ULK4: variants seen among roughly 807,000 people sequenced by gnomAD.
ULK4 encodes unc-51 like kinase 4.
In ULK4, 133 loss-of-function variants were observed where a neutral mutation model predicts 160.6. The observed-to-expected ratio is 0.83, with a 90% CI of 0.72 to 0.96. ULK4 has a LOEUF of 0.96. ULK4 is among the 40% of genes least tolerant of loss of function. The pLI is 0.00. For missense variants in ULK4, 1,580 were observed against 1,499.5 expected (o/e 1.05, Z -0.89); for synonymous variants, 534 against 539.8 (o/e 0.99, Z 0.15).
intron 34 of ULK4, among the ~76,000 whole-genome samples, chr3:41,411,420 CTTTT>C (rs556696303): frequency 3.5e-5 from 5 of 143,038 alleles, no homozygotes; most frequent in Non-Finnish European, 7.6e-5. Flanking sequence ...ACATTCCTTT[CTTTT>C]TTTTTTTTTT....
rs571560213 is a variant in ULK4 at position 41,673,695 on chromosome 3, T to C, written c.2978+7813A>G. On this transcript the variant is annotated intron_variant, in intron 29 of 36. Transcript: ENST00000301831. ...CTAAATATATATATATATACATACA[T>C]ACATATATATATAACTAAAATATAT... Among the ~76,000 whole-genome samples the C allele has an allele frequency of 8.9e-5, 13 of 146,882 alleles. No individual in the cohort carries two copies. In the South Asian group the frequency reaches 2.5e-3, roughly 29 times the overall value.
chr3:41,571,516 CTT>C (rs1409185686), intron 31 of ULK4, among the ~76,000 whole-genome samples: 1 of 152,110 alleles, frequency 6.6e-6, no homozygotes, highest in African/African-American at 2.4e-5. Flanking sequence ...ACATTTGCCT[CTT>C]TAAGTCAGAG....
intron 17 of ULK4, among the ~76,000 whole-genome samples, chr3:41,852,503 C>T (rs2042240858): frequency 6.6e-6 from 1 of 151,882 alleles, no homozygotes; most frequent in African/African-American, 2.4e-5. Flanking sequence ...CTGAAAGGAA[C>T]AAAAAATGCT....
chr3:41,912,899 T>C lies in ULK4; in HGVS notation c.804A>G (p.Arg268=). The C allele has an allele frequency of 6.2e-7, 1 of 1,613,784 alleles. No individual in the cohort carries two copies. The highest frequency in any genetic ancestry group is 1.3e-5 in the African/African-American group (1 of 75,042). The change falls in exon 9 of 37, where the codon AGA becomes AGG. Residue 268 remains arginine (R), a splice_region_variant and synonymous_variant. Transcript: ENST00000301831. ...GCTGCAGTAGCCTTGTCCAAGTCAA[T>C]CTTTAAAAAACATAAATGTTAAAAC... ...DGLLQRDPQK[R]LTWTRLLQHS...
At chr3:41,667,544 G>C (rs927137734) in intron 29 of ULK4, among the ~76,000 whole-genome samples, 1 of 152,154 alleles carries the variant, frequency 6.6e-6, no homozygotes, top group Admixed American at 6.6e-5. Flanking sequence ...AATATATAGT[G>C]ATGAGCCCTG....
At position 41,558,139 on chromosome 3, in the gene ULK4, G is replaced by A. The variant is rs1575410352; in HGVS notation, c.3226+7886C>T. On this transcript the variant is annotated intron_variant, in intron 32 of 36. Coordinates refer to ENST00000301831, the MANE Select transcript of ULK4 (RefSeq NM_017886.4). Reference sequence around the variant, plus strand: ...TTCTCCTATACATATTCCTGCTCCTGTGTGAAAGGATACATGTATAAAACT... The same window carrying A: ...TTCTCCTATACATATTCCTGCTCCTATGTGAAAGGATACATGTATAAAACT... Among the ~76,000 whole-genome samples, 3 of 152,210 alleles carry A rather than the reference G, an allele frequency of 2.0e-5. No homozygotes were observed. In the South Asian group the frequency reaches 6.2e-4, roughly 32 times the overall value.
At chr3:41,338,256 T>C (rs2080608448) in intron 35 of ULK4, among the ~76,000 whole-genome samples, 1 of 152,164 alleles carries the variant, frequency 6.6e-6, no homozygotes, top group Admixed American at 6.5e-5. Context: ...GAAACAGGCA[T>C]GAGGAGGCTG....
chr3:41,398,025 A>T, intron 35 of ULK4, 54 bp downstream of exon 35: 2 of 1,561,738 alleles, frequency 1.3e-6, no homozygotes, highest in Non-Finnish European at 1.7e-6. Context: ...CTCACTGTCC[A>T]TGTCGCTGCC....
intron 34 of ULK4, among the ~76,000 whole-genome samples, chr3:41,418,342 C>A (rs916437541): frequency 1.1e-5 from 1 of 87,946 alleles, no homozygotes; most frequent in Non-Finnish European, 2.3e-5. Flanking sequence ...CTTAATTTGG[C>A]GGGGGGGGGG....
chr3:41,318,147 AT>A (rs11294081), intron 35 of ULK4, among the ~76,000 whole-genome samples: 22,589 of 151,872 alleles, frequency 0.15, 1,937 homozygotes, highest in African/African-American at 0.23. Context: ...TTAAAAAAAA[AT>A]AAGATAGAAA....
rs1297096442 is a variant in ULK4 at position 41,772,318 on chromosome 3, G to C, written c.2193+17343C>G. 1.4e-3 allele frequency among the ~76,000 whole-genome samples: 215 copies of C among 152,042 alleles called. 1 individual carries two copies. Among genetic ancestry groups the C allele is most frequent in the Middle Eastern group, 6.8e-3 (2 of 294 alleles). On this transcript the variant is annotated intron_variant, in intron 21 of 36. Transcript: ENST00000301831. ...AAAAGATCAACAAAATTGATAGACT[G>C]CTAGCAAGACTAATAAAGAAGAAAA...
At chr3:41,594,424 C>T (rs2031554603) in intron 31 of ULK4, among the ~76,000 whole-genome samples, 1 of 151,812 alleles carries the variant, frequency 6.6e-6, no homozygotes. Context: ...CCTACAGTTC[C>T]AGCTACTTAG....
rs374933475 is a variant in ULK4 at position 41,303,800 on chromosome 3, G to A, written c.3679-54226C>T. ...GAGGTAAGCTGTGCCAGGGGGAAGA[G>A]CAGCCTGCAGTAGTATCTGGGATTG... On this transcript the variant is annotated intron_variant, in intron 35 of 36. Transcript: ENST00000301831. Among the ~76,000 whole-genome samples the A allele has an allele frequency of 7.0e-4, 106 of 152,260 alleles. 1 individual carries two copies. The South Asian group carries it at 0.012, about 17-fold the overall frequency.
chr3:41,487,556 T>C (rs1331756599), intron 32 of ULK4, among the ~76,000 whole-genome samples: 3 of 152,184 alleles, frequency 2.0e-5, no homozygotes, highest in Non-Finnish European at 4.4e-5. Flanking sequence ...ATGTGGTATA[T>C]GGATATATGA....
chr3:41,322,640 T>C (rs1193186289), intron 35 of ULK4, among the ~76,000 whole-genome samples: 1 of 152,166 alleles, frequency 6.6e-6, no homozygotes, highest in East Asian at 1.9e-4. Flanking sequence ...CCACAAACAC[T>C]AATGTTTGAG....
At chr3:41,495,017 A>G (rs1254880761) in intron 32 of ULK4, among the ~76,000 whole-genome samples, 2 of 152,034 alleles carry the variant, frequency 1.3e-5, no homozygotes, top group African/African-American at 2.4e-5. Context: ...AAGGTAATTT[A>G]TAGATTCAAT....
intron 35 of ULK4, among the ~76,000 whole-genome samples, chr3:41,340,378 G>C (rs950619173): frequency 2.6e-5 from 4 of 152,238 alleles, no homozygotes; most frequent in African/African-American, 7.2e-5. Context: ...CCTAGGCAAG[G>C]TTATCCATGG....
intron 11 of ULK4, among the ~76,000 whole-genome samples, chr3:41,908,591 GC>G (rs1446609388): frequency 6.6e-6 from 1 of 151,854 alleles, no homozygotes. Context: ...GATTACAAGT[GC>G]CCGCCACTGC....
chr3:41,759,865 G>T (rs1369171636), intron 21 of ULK4, among the ~76,000 whole-genome samples: 1 of 152,140 alleles, frequency 6.6e-6, no homozygotes, highest in Non-Finnish European at 1.5e-5. Context: ...ATAATCATAT[G>T]ACCAAATGAT....
Sources: gnomAD v4.1 joint callset for allele counts (sites outside exome capture counted in the v4.1 genomes callset) on GRCh38, gnomAD v4.1.1 for gene constraint, MANE v1.5 for transcripts, NCBI Gene and HGNC (gene_info 2026-07-23, HGNC 2026-07-21) for gene names.